CFAP263: variants seen among roughly 807,000 people sequenced by gnomAD.
CFAP263 encodes cilia and flagella associated protein 263, also known as cilia- and flagella-associated protein 263.
the CFAP263 span, among the ~76,000 whole-genome samples, chr16:58,266,124 G>C: frequency 6.6e-6 from 1 of 152,048 alleles, no homozygotes; most frequent in Non-Finnish European, 1.5e-5. Context: ...AATAGGAGTG[G>C]GGAAGAGAAT....
At chr16:58,262,919 C>G in the CFAP263 span, among the ~76,000 whole-genome samples, 1 of 152,146 alleles carries the variant, frequency 6.6e-6, no homozygotes, top group African/African-American at 2.4e-5. Flanking sequence ...TTATGCATGG[C>G]AAGTTTTGAG....
chr16:58,261,496 T>C, the CFAP263 span, among the ~76,000 whole-genome samples: 1 of 152,168 alleles, frequency 6.6e-6, no homozygotes, highest in African/African-American at 2.4e-5. Context: ...TGCGAGCTCA[T>C]AGACTAGTGG....
At chr16:58,258,603 T>C in the CFAP263 span, 3 of 1,348,110 alleles carry the variant, frequency 2.2e-6, no homozygotes, top group Non-Finnish European at 3.1e-6. Flanking sequence ...TGAAGCAGCC[T>C]AGCTCCCTTT....
chr16:58,267,513 A>G, the CFAP263 span: 34 of 1,613,836 alleles, frequency 2.1e-5, no homozygotes, highest in Admixed American at 8.3e-5. Flanking sequence ...ATATACCTCA[A>G]TCTGGACAAG....
At chr16:58,264,442 C>T in the CFAP263 span, among the ~76,000 whole-genome samples, 3,486 of 152,270 alleles carry the variant, frequency 0.023, 69 homozygotes, top group Non-Finnish European at 0.033. Flanking sequence ...AGATCAGCAG[C>T]GCAGGCCACA....
At chr16:58,281,025 C>T in the CFAP263 span, 1 of 436,800 alleles carries the variant, frequency 2.3e-6, no homozygotes, top group Non-Finnish European at 4.1e-6. Flanking sequence ...TTGCCCCTTT[C>T]CAGTCCTTTG....
the CFAP263 span, among the ~76,000 whole-genome samples, chr16:58,275,086 T>C: frequency 6.6e-6 from 1 of 152,254 alleles, no homozygotes; most frequent in Admixed American, 6.5e-5. Context: ...TTGTTTAGGC[T>C]AAACAGACAG....
At chr16:58,256,688 G>GT in the CFAP263 span, among the ~76,000 whole-genome samples, 1 of 152,166 alleles carries the variant, frequency 6.6e-6, no homozygotes, top group Non-Finnish European at 1.5e-5. Flanking sequence ...TTTCAGGTGG[G>GT]TTGATGTTCT....
At chr16:58,281,520 T>A in the CFAP263 span, 7 of 152,424 alleles carry the variant, frequency 4.6e-5, no homozygotes, top group South Asian at 4.1e-4. Context: ...AACTAGTAGG[T>A]ATCACTTACC....
At chr16:58,258,986 T>A in the CFAP263 span, among the ~76,000 whole-genome samples, 9 of 105,570 alleles carry the variant, frequency 8.5e-5, no homozygotes, top group East Asian at 4.9e-4. Context: ...TCAGAAAAAA[T>A]AAATAAATAA....
the CFAP263 span, among the ~76,000 whole-genome samples, chr16:58,260,431 T>A: frequency 5.9e-5 from 9 of 152,180 alleles, no homozygotes; most frequent in Admixed American, 3.3e-4. Context: ...ACGAGGTTTG[T>A]GGTGATTTGT....
the CFAP263 span, among the ~76,000 whole-genome samples, chr16:58,250,692 G>C: frequency 6.6e-6 from 1 of 151,388 alleles, no homozygotes; most frequent in African/African-American, 2.4e-5. Flanking sequence ...TTGAACTTGG[G>C]AGGCGGAGGT....
chr16:58,258,982 A>AAAATAAATAAAT, the CFAP263 span, among the ~76,000 whole-genome samples: 12 of 144,054 alleles, frequency 8.3e-5, no homozygotes, highest in East Asian at 2.0e-4. Flanking sequence ...CGTCTCAGAA[A>AAAATAAATAAAT]AAATAAATAA....
At chr16:58,258,982 AAAATAAATAAATAAAT>A in the CFAP263 span, among the ~76,000 whole-genome samples, 403 of 144,052 alleles carry the variant, frequency 2.8e-3, 7 homozygotes, top group East Asian at 0.028. Flanking sequence ...CGTCTCAGAA[AAAATAAATAAATAAAT>A]AAATAAATAA....
the CFAP263 span, among the ~76,000 whole-genome samples, chr16:58,259,603 C>G: frequency 6.6e-6 from 1 of 152,202 alleles, no homozygotes; most frequent in African/African-American, 2.4e-5. Context: ...CCTACAGTAG[C>G]ATACACCCAA....
chr16:58,255,936 C>G, the CFAP263 span, among the ~76,000 whole-genome samples: 1 of 152,204 alleles, frequency 6.6e-6, no homozygotes, highest in South Asian at 2.1e-4. Flanking sequence ...AGTAGTGTCT[C>G]TTAGTGAGTC....
At chr16:58,278,604 C>G in the CFAP263 span, 1 of 1,614,050 alleles carries the variant, frequency 6.2e-7, no homozygotes, top group Non-Finnish European at 8.5e-7. Flanking sequence ...AGAAGAGCAT[C>G]AGGATGTGGG....
At chr16:58,272,611 G>T in the CFAP263 span, among the ~76,000 whole-genome samples, 4 of 152,128 alleles carry the variant, frequency 2.6e-5, no homozygotes, top group Non-Finnish European at 5.9e-5. Context: ...ATAATCTTAT[G>T]GGACCATCTT....
chr16:58,276,503 A>G, the CFAP263 span, among the ~76,000 whole-genome samples: 2 of 152,312 alleles, frequency 1.3e-5, no homozygotes, highest in East Asian at 1.9e-4. Flanking sequence ...TAGGGTTTTC[A>G]GTTGCATCGC....
Sources: allele counts gnomAD v4.1 joint callset (sites outside exome capture counted in the v4.1 genomes callset), GRCh38; gene constraint gnomAD v4.1.1; transcripts MANE v1.5; gene names NCBI Gene and HGNC (gene_info 2026-07-23, HGNC 2026-07-21).